Variants in PRKCE observed in about 807,000 individuals in gnomAD.
PRKCE encodes protein kinase C epsilon type.
Under a neutral mutation model 85.4 loss-of-function variants are expected in PRKCE, and 16 were observed. The observed-to-expected ratio is 0.19, with a 90% confidence interval of 0.13 to 0.28. The LOEUF (loss-of-function observed/expected upper bound fraction) is 0.28. PRKCE is among the 10% of genes least tolerant of loss of function. The pLI, the probability that PRKCE is intolerant of heterozygous loss-of-function variation, is 1.00. For missense variants in PRKCE, 573 were observed against 975.2 expected (o/e 0.59, Z 5.49); for synonymous variants, 388 against 371.5 (o/e 1.04, Z -0.51).
intron 2 of PRKCE, among the ~76,000 whole-genome samples, chr2:45,855,478 A>T (rs952472296): frequency 1.3e-5 from 2 of 152,210 alleles, no homozygotes; most frequent in African/African-American, 4.8e-5. Flanking sequence ...GAGTTTTTAG[A>T]AGTGAAAAAG....
intron 1 of PRKCE, among the ~76,000 whole-genome samples, chr2:45,753,960 G>A (rs954665150): frequency 1.3e-5 from 2 of 152,136 alleles, no homozygotes; most frequent in Admixed American, 6.5e-5. Context: ...TACTCAAACC[G>A]TATTCAGATT....
At chr2:45,856,612 G>C (rs1308849738) in intron 2 of PRKCE, among the ~76,000 whole-genome samples, 1 of 152,200 alleles carries the variant, frequency 6.6e-6, no homozygotes, top group Non-Finnish European at 1.5e-5. Context: ...GTTATTTGCT[G>C]TAGTCATGCT....
chr2:45,751,978 C>T (rs1327548619), intron 1 of PRKCE, among the ~76,000 whole-genome samples: 4 of 149,238 alleles, frequency 2.7e-5, no homozygotes, highest in Non-Finnish European at 5.9e-5. Flanking sequence ...CCACTACGCC[C>T]GGCTAATTTT....
At chr2:45,827,595 A>G (rs1690052531) in intron 1 of PRKCE, among the ~76,000 whole-genome samples, 1 of 152,384 alleles carries the variant, frequency 6.6e-6, no homozygotes, top group South Asian at 2.1e-4. Context: ...CCGTGCTTCC[A>G]TATATAATTT....
At chr2:46,183,564 G>C (rs549289373) in intron 14 of PRKCE, among the ~76,000 whole-genome samples, 2 of 152,232 alleles carry the variant, frequency 1.3e-5, no homozygotes, top group South Asian at 4.2e-4. Flanking sequence ...GGGGGAGAGG[G>C]GACCTGCTAT....
chr2:45,929,634 C>A (rs1399831799), intron 2 of PRKCE, among the ~76,000 whole-genome samples: 3 of 152,134 alleles, frequency 2.0e-5, no homozygotes, highest in Non-Finnish European at 4.4e-5. Flanking sequence ...ATCAAAGGTT[C>A]TTATTGCCCT....
At chr2:46,172,886 C>T (rs1348800561) in intron 14 of PRKCE, among the ~76,000 whole-genome samples, 1 of 152,198 alleles carries the variant, frequency 6.6e-6, no homozygotes, top group East Asian at 1.9e-4. Context: ...GTTATTGTAC[C>T]ACTTAGAAAG....
chr2:46,029,637 C>T (rs1707375650), intron 10 of PRKCE, among the ~76,000 whole-genome samples: 1 of 151,666 alleles, frequency 6.6e-6, no homozygotes, highest in Non-Finnish European at 1.5e-5. Flanking sequence ...CCTGTTCATG[C>T]ATCGCTAATT....
chr2:46,057,370 G>C (rs1265158252), intron 10 of PRKCE, among the ~76,000 whole-genome samples: 1 of 151,968 alleles, frequency 6.6e-6, no homozygotes, highest in Non-Finnish European at 1.5e-5. Flanking sequence ...TTAATACATA[G>C]TTGAAAGTTA....
chr2:45,799,560 T>A (rs1470707315), intron 1 of PRKCE, among the ~76,000 whole-genome samples: 1 of 152,172 alleles, frequency 6.6e-6, no homozygotes. Context: ...CAAGACCCTG[T>A]CTCTAAAAGA....
chr2:45,877,082 T>C (rs1442985791), intron 2 of PRKCE, among the ~76,000 whole-genome samples: 1 of 144,768 alleles, frequency 6.9e-6, no homozygotes, highest in Non-Finnish European at 1.5e-5. Flanking sequence ...TATTCTTGCA[T>C]GGTTTTATTT....
At chr2:45,680,199 T>G (rs1052114392) in intron 1 of PRKCE, among the ~76,000 whole-genome samples, 9 of 152,244 alleles carry the variant, frequency 5.9e-5, no homozygotes, top group African/African-American at 2.2e-4. Context: ...ATTGGTGTTC[T>G]AAACCTCCAG....
At chr2:45,962,748 C>A (rs1482596076) in intron 2 of PRKCE, among the ~76,000 whole-genome samples, 1 of 152,136 alleles carries the variant, frequency 6.6e-6, no homozygotes, top group Non-Finnish European at 1.5e-5. Context: ...TGTCCCCTGG[C>A]CTGGGAGAAG....
At chr2:46,051,749 C>T (rs997547769) in intron 10 of PRKCE, among the ~76,000 whole-genome samples, 4 of 152,158 alleles carry the variant, frequency 2.6e-5, no homozygotes, top group African/African-American at 4.8e-5. Context: ...GTTCTCACAC[C>T]GCTATAAAGA....
intron 10 of PRKCE, among the ~76,000 whole-genome samples, chr2:46,039,343 T>C (rs1708082763): frequency 6.6e-6 from 1 of 152,192 alleles, no homozygotes; most frequent in Non-Finnish European, 1.5e-5. Context: ...TCCAGGGAGC[T>C]TGGAAGCCAG....
At chr2:46,179,333 G>A (rs1679740814) in intron 14 of PRKCE, among the ~76,000 whole-genome samples, 1 of 152,080 alleles carries the variant, frequency 6.6e-6, no homozygotes, top group African/African-American at 2.4e-5. Flanking sequence ...AAGCATTGAC[G>A]CTGCCTGCCT....
At chr2:46,079,720 G>T (rs928789787) in intron 10 of PRKCE, among the ~76,000 whole-genome samples, 1 of 152,240 alleles carries the variant, frequency 6.6e-6, no homozygotes, top group Non-Finnish European at 1.5e-5. Context: ...TGGAGAATCT[G>T]TGTGTCCAAA....
At chr2:45,987,270 G>A (rs140294922) in intron 6 of PRKCE, among the ~76,000 whole-genome samples, 1 of 152,218 alleles carries the variant, frequency 6.6e-6, no homozygotes, top group African/African-American at 2.4e-5. Context: ...TAGGATGCCT[G>A]GAGCAAGGGT....
chr2:46,140,687 TA>T (rs2104460582), intron 11 of PRKCE, among the ~76,000 whole-genome samples: 1 of 152,174 alleles, frequency 6.6e-6, no homozygotes, highest in African/African-American at 2.4e-5. Context: ...TACATAAAAA[TA>T]AATAATATTG....
Sources: allele counts gnomAD v4.1 joint callset (sites outside exome capture counted in the v4.1 genomes callset), GRCh38; gene constraint gnomAD v4.1.1; transcripts MANE v1.5; gene names NCBI Gene and HGNC (gene_info 2026-07-23, HGNC 2026-07-21).